Variants in PPP1R9A observed in about 807,000 individuals in gnomAD.
PPP1R9A encodes neurabin-1.
A neutral mutation model predicts 141.9 loss-of-function variants in PPP1R9A; 59 were observed. That is an observed-to-expected ratio of 0.42 (90% CI 0.34 to 0.52). PPP1R9A has a LOEUF of 0.52. Ranked by LOEUF, PPP1R9A falls within the 20% of genes least tolerant of loss-of-function variation. The pLI is 0.10. For synonymous variants in PPP1R9A, 500 were observed against 569.7 expected, an observed-to-expected ratio of 0.88 and a Z score of 1.74; for missense variants, 1,444 against 1,611.9, an observed-to-expected ratio of 0.90 and a Z score of 1.78.
At chr7:95,217,749 T>C (rs1563437758) in intron 7 of PPP1R9A, among the ~76,000 whole-genome samples, 1 of 152,216 alleles carries the variant, frequency 6.6e-6, no homozygotes, top group Non-Finnish European at 1.5e-5. Flanking sequence ...TTTTCTAGTT[T>C]ATTTGCGTAG....
intron 7 of PPP1R9A, among the ~76,000 whole-genome samples, chr7:95,211,844 C>T (rs188029034): frequency 6.6e-6 from 1 of 152,128 alleles, no homozygotes; most frequent in East Asian, 1.9e-4. Context: ...TGTAAAAGCC[C>T]GGCATGGCAT....
At chr7:95,272,451 C>T (rs1434508111) in intron 14 of PPP1R9A, among the ~76,000 whole-genome samples, 1 of 151,940 alleles carries the variant, frequency 6.6e-6, no homozygotes, top group Non-Finnish European at 1.5e-5. Context: ...ATTCAGTTAC[C>T]CAAAGAGTAA....
chr7:95,273,242 C>A (rs1349632306), intron 14 of PPP1R9A, among the ~76,000 whole-genome samples: 1 of 152,190 alleles, frequency 6.6e-6, no homozygotes, highest in Non-Finnish European at 1.5e-5. Context: ...GGGGAACCAG[C>A]CAAGTTTTGC....
chr7:94,942,445 G>C (rs1051499153), intron 2 of PPP1R9A, among the ~76,000 whole-genome samples: 9 of 152,116 alleles, frequency 5.9e-5, no homozygotes, highest in Non-Finnish European at 1.3e-4. Flanking sequence ...ACCTCTGTTT[G>C]CTTTTGTAAA....
chr7:95,212,299 G>T (rs1467217768), intron 7 of PPP1R9A, among the ~76,000 whole-genome samples: 1 of 151,884 alleles, frequency 6.6e-6, no homozygotes, highest in African/African-American at 2.4e-5. Context: ...CATCACCAAA[G>T]AAAGACCTTT....
chr7:95,231,159 G>T (rs1795870769), intron 8 of PPP1R9A, among the ~76,000 whole-genome samples: 2 of 152,078 alleles, frequency 1.3e-5, no homozygotes, highest in South Asian at 2.1e-4. Flanking sequence ...GACAAAGAGA[G>T]AAATTATATA....
chr7:95,046,455 C>T (rs1292601178), intron 2 of PPP1R9A, among the ~76,000 whole-genome samples: 5 of 152,132 alleles, frequency 3.3e-5, no homozygotes, highest in African/African-American at 9.7e-5. Flanking sequence ...GCAGATAACC[C>T]GATGGCCTTT....
intron 2 of PPP1R9A, among the ~76,000 whole-genome samples, chr7:95,004,755 G>A (rs532134421): frequency 1.4e-4 from 21 of 152,110 alleles, no homozygotes; most frequent in Non-Finnish European, 2.8e-4. Flanking sequence ...GTTGGATGTC[G>A]CTGTCCTGTA....
chr7:95,291,170 C>T lies in PPP1R9A; in HGVS notation c.*867C>T, dbSNP rs1419292776. On this transcript the variant is annotated 3_prime_UTR_variant, in exon 20 of 20. Transcript: ENST00000433360. Reference sequence around the variant, plus strand: ...CACAACACAGTTCCTCTTCCCCCTACCTAACCCAAGAAATTGAACAGGAAA... The same window carrying T: ...CACAACACAGTTCCTCTTCCCCCTATCTAACCCAAGAAATTGAACAGGAAA... 1 of 152,148 alleles carries T rather than the reference C, an allele frequency of 6.6e-6. No individual in the cohort carries two copies. The highest frequency in any genetic ancestry group is 1.5e-5 in the Non-Finnish European group (1 of 68,046). The allele number at this position is 152,148 out of a possible 1,614,324, so 9.4% of individuals were successfully genotyped here. A position where few individuals can be genotyped will look rare whatever the true frequency, so the allele number is the denominator to read the frequency against.
At chr7:95,279,386 C>T (rs1235207554) in intron 16 of PPP1R9A, among the ~76,000 whole-genome samples, 1 of 152,138 alleles carries the variant, frequency 6.6e-6, no homozygotes, top group Non-Finnish European at 1.5e-5. Context: ...AGTAGAAAAA[C>T]ACCCCATCTC....
chr7:95,274,341 G>A (rs532020062), intron 16 of PPP1R9A, among the ~76,000 whole-genome samples, 173 bp downstream of exon 16: 3 of 152,308 alleles, frequency 2.0e-5, no homozygotes, highest in Non-Finnish European at 4.4e-5. Flanking sequence ...TCCAATTATA[G>A]CCTCCATCTA....
At chr7:95,068,331 G>A (rs931443494) in intron 2 of PPP1R9A, among the ~76,000 whole-genome samples, 1 of 151,858 alleles carries the variant, frequency 6.6e-6, no homozygotes, top group Non-Finnish European at 1.5e-5. Flanking sequence ...TTAGCTGGGC[G>A]TGGTGGCACA....
chr7:95,284,646 G>T (rs1315773252), intron 17 of PPP1R9A, among the ~76,000 whole-genome samples: 1 of 152,184 alleles, frequency 6.6e-6, no homozygotes, highest in African/African-American at 2.4e-5. Flanking sequence ...TACGAGTTCA[G>T]TACATCTAAG....
intron 7 of PPP1R9A, among the ~76,000 whole-genome samples, chr7:95,222,090 G>A (rs1272928348): frequency 3.3e-5 from 5 of 152,036 alleles, no homozygotes; most frequent in African/African-American, 1.2e-4. Context: ...AGCATATTAT[G>A]AGAGAAGAGA....
At chr7:95,097,896 A>T (rs113032335) in intron 2 of PPP1R9A, among the ~76,000 whole-genome samples, 1 of 152,240 alleles carries the variant, frequency 6.6e-6, no homozygotes, top group Non-Finnish European at 1.5e-5. Flanking sequence ...GAATTGGTTT[A>T]TGCATATGTT....
intron 4 of PPP1R9A, among the ~76,000 whole-genome samples, chr7:95,140,158 G>T (rs1826387981): frequency 6.6e-6 from 1 of 152,160 alleles, no homozygotes; most frequent in Non-Finnish European, 1.5e-5. Context: ...TCCACTGTAG[G>T]GGAGTGGAGC....
intron 2 of PPP1R9A, among the ~76,000 whole-genome samples, chr7:95,021,076 T>C (rs1584308720): frequency 6.6e-6 from 1 of 152,214 alleles, no homozygotes; most frequent in South Asian, 2.1e-4. Flanking sequence ...GTTGAACTAA[T>C]TTACACTCCC....
chr7:95,281,054 A>AT (rs1804131848), intron 16 of PPP1R9A, among the ~76,000 whole-genome samples: 1 of 152,154 alleles, frequency 6.6e-6, no homozygotes, highest in Admixed American at 6.5e-5. Context: ...TAGGTCTGTA[A>AT]TTTTAAAGCA....
intron 16 of PPP1R9A, among the ~76,000 whole-genome samples, chr7:95,277,626 T>G (rs1803442575): frequency 1.3e-5 from 2 of 152,058 alleles, no homozygotes; most frequent in African/African-American, 4.8e-5. Context: ...GGGGTCTTGC[T>G]ATGTTGCCCA....
Sources: gnomAD v4.1 joint callset for allele counts (sites outside exome capture counted in the v4.1 genomes callset) on GRCh38, gnomAD v4.1.1 for gene constraint, MANE v1.5 for transcripts, NCBI Gene and HGNC (gene_info 2026-07-23, HGNC 2026-07-21) for gene names.